Variants in EFCAB6 observed in about 807,000 individuals in gnomAD.
EFCAB6 encodes the protein EF-hand calcium-binding domain-containing protein 6.
In EFCAB6, 156 loss-of-function variants were observed where a neutral mutation model predicts 169.8. The ratio of observed to expected loss-of-function variants is 0.92; its 90% CI spans 0.81 to 1.05. EFCAB6 has a LOEUF of 1.05. Among genes scored for constraint, EFCAB6 ranks in the 50% least tolerant of loss-of-function variants. EFCAB6 has a pLI of 0.00. For missense variants in EFCAB6, 1,800 were observed against 1,829.1 expected (o/e 0.98, Z 0.29); for synonymous variants, 698 against 676.4 (o/e 1.03, Z -0.50).
At chr22:43,613,727 T>C (rs1189028935) in intron 21 of EFCAB6, among the ~76,000 whole-genome samples, 1 of 152,140 alleles carries the variant, frequency 6.6e-6, no homozygotes. Flanking sequence ...AATTTACTTA[T>C]ATAATAAACC....
chr22:43,584,451 C>T (rs1038261191), intron 24 of EFCAB6, among the ~76,000 whole-genome samples: 1 of 152,142 alleles, frequency 6.6e-6, no homozygotes, highest in African/African-American at 2.4e-5. Flanking sequence ...CCCCCACCAC[C>T]ACTTTCATGG....
Position 43,784,498 on chromosome 22 carries a change from A to AT in EFCAB6, c.-7-2174_-7-2173insA, listed in dbSNP as rs1470940770. 5.8e-3 allele frequency among the ~76,000 whole-genome samples: 565 copies of AT among 98,090 alleles called. 14 individuals are homozygous for AT. Among genetic ancestry groups the AT allele is most frequent in the African/African-American group, 0.019 (499 of 25,784 alleles). The allele number at this position is 98,090 out of a possible 152,430, so 64.4% of individuals were successfully genotyped here. ...AGGCCCTGTCTCTACCAAAAAAAAA[A>AT]AAAAATATATATATGTGTGTGTGTG... On this transcript the variant is annotated intron_variant, in intron 2 of 31. Transcript: ENST00000262726.
intron 2 of EFCAB6, among the ~76,000 whole-genome samples, chr22:43,801,565 C>G (rs2062715055): frequency 6.6e-6 from 1 of 152,088 alleles, no homozygotes; most frequent in African/African-American, 2.4e-5. Flanking sequence ...TAAATTGAGA[C>G]AATTAAAAGT....
rs138267934 is a variant in EFCAB6, at chr22:43,753,414, G to A, written c.507+2352C>T. On this transcript the variant is annotated intron_variant, in intron 6 of 31. Transcript: ENST00000262726. ...GATTAAACCAGAGCCAGGACCAGGT[G>A]GATCCCGAAGAGGACACGCTGAGAA... is the stretch of plus-strand genomic sequence containing the variant. Among the ~76,000 whole-genome samples, 497 of 152,288 alleles carry A rather than the reference G, an allele frequency of 3.3e-3. 1 individual carries two copies. Among genetic ancestry groups the A allele is most frequent in the African/African-American group, 0.011 (477 of 41,562 alleles).
At chr22:43,791,475 A>C (rs1290392365) in intron 2 of EFCAB6, among the ~76,000 whole-genome samples, 1 of 152,296 alleles carries the variant, frequency 6.6e-6, no homozygotes, top group Non-Finnish European at 1.5e-5. Context: ...GAAAAGGTCA[A>C]AGGGCTGAGC....
intron 2 of EFCAB6, among the ~76,000 whole-genome samples, chr22:43,796,375 T>C (rs571542002): frequency 1.3e-5 from 2 of 152,336 alleles, no homozygotes; most frequent in South Asian, 4.1e-4. Context: ...GTGTTTTGTA[T>C]TAGTTTACAC....
chr22:43,777,115 G>C (rs185393486), intron 3 of EFCAB6, among the ~76,000 whole-genome samples: 16 of 152,292 alleles, frequency 1.1e-4, no homozygotes, highest in African/African-American at 3.8e-4. Context: ...CGTGTGAGGG[G>C]TGTTAAAGAA....
At chr22:43,559,610 C>A (rs975567992) in intron 26 of EFCAB6, among the ~76,000 whole-genome samples, 2 of 152,188 alleles carry the variant, frequency 1.3e-5, no homozygotes, top group Admixed American at 6.5e-5. Flanking sequence ...TTGGAACCAA[C>A]CCAAATGCCC....
intron 6 of EFCAB6, among the ~76,000 whole-genome samples, chr22:43,746,969 T>C (rs1420216193): frequency 2.0e-5 from 3 of 152,192 alleles, no homozygotes; most frequent in East Asian, 1.9e-4. Flanking sequence ...GAAGCCACTA[T>C]GCTGACCCAG....
At chr22:43,784,718 C>CACACATATATAT (rs1256297031) in intron 2 of EFCAB6, among the ~76,000 whole-genome samples, 1 of 112,184 alleles carries the variant, frequency 8.9e-6, no homozygotes, top group African/African-American at 3.5e-5. Context: ...CACACACACA[C>CACACATATATAT]ATATATATAT....
chr22:43,631,458 C>T (rs527378403), intron 19 of EFCAB6, among the ~76,000 whole-genome samples: 1 of 152,040 alleles, frequency 6.6e-6, no homozygotes. Context: ...CCTCATCTGT[C>T]CCGGCCTGGC....
chr22:43,677,888 A>G (rs2147056013), intron 13 of EFCAB6, 108 bp downstream of exon 13: 1 of 1,152,748 alleles, frequency 8.7e-7, no homozygotes, highest in East Asian at 2.5e-5. Flanking sequence ...TGAAAACTGT[A>G]AAGTCGTTAA....
At chr22:43,600,014 G>A in intron 23 of EFCAB6, 55 bp downstream of exon 23, 1 of 1,544,388 alleles carries the variant, frequency 6.5e-7, no homozygotes, top group East Asian at 2.3e-5. Flanking sequence ...GTGCTGTGAG[G>A]CCAGATGTAA....
At chr22:43,702,897 C>G (rs551254215) in intron 10 of EFCAB6, among the ~76,000 whole-genome samples, 2 of 152,146 alleles carry the variant, frequency 1.3e-5, no homozygotes, top group African/African-American at 2.4e-5. Context: ...AAAATTACCA[C>G]CACATTGAAT....
At chr22:43,723,342 G>A (rs1466176457) in intron 8 of EFCAB6, among the ~76,000 whole-genome samples, 1 of 152,188 alleles carries the variant, frequency 6.6e-6, no homozygotes, top group Non-Finnish European at 1.5e-5. Flanking sequence ...TGGAGGGGGT[G>A]TGGATTGAAA....
intron 20 of EFCAB6, among the ~76,000 whole-genome samples, chr22:43,616,256 CT>C (rs2053674353): frequency 6.6e-6 from 1 of 152,162 alleles, no homozygotes; most frequent in South Asian, 2.1e-4. Context: ...CAGCTAAAAA[CT>C]TTTATTTCTG....
intron 6 of EFCAB6, among the ~76,000 whole-genome samples, chr22:43,741,950 G>A (rs1383753390): frequency 6.6e-6 from 1 of 152,036 alleles, no homozygotes; most frequent in Non-Finnish European, 1.5e-5. Flanking sequence ...CGCCTGGCGG[G>A]AGGAGTACTC....
intron 5 of EFCAB6, 45 bp downstream of exon 5, chr22:43,765,260 T>C (rs775076132): frequency 5.4e-6 from 8 of 1,472,086 alleles, no homozygotes; most frequent in Non-Finnish European, 7.6e-6. Context: ...CTCTTACTCA[T>C]CATTTCAAAT....
intron 10 of EFCAB6, among the ~76,000 whole-genome samples, chr22:43,693,681 G>A (rs2058482294): frequency 6.6e-6 from 1 of 151,616 alleles, no homozygotes; most frequent in Non-Finnish European, 1.5e-5. Context: ...TAGGAAAACT[G>A]GGGCAGAGTA....
Sources: allele counts gnomAD v4.1 joint callset (sites outside exome capture counted in the v4.1 genomes callset), GRCh38; gene constraint gnomAD v4.1.1; transcripts MANE v1.5; gene names NCBI Gene and HGNC (gene_info 2026-07-23, HGNC 2026-07-21).